Variants in SLC27A6 observed in about 807,000 individuals in gnomAD.
SLC27A6 encodes long-chain fatty acid transport protein 6.
A neutral mutation model predicts 63.9 loss-of-function variants in SLC27A6; 74 were observed. The ratio of observed to expected loss-of-function variants is 1.16; its 90% CI spans 0.96 to 1.40. The LOEUF (loss-of-function observed/expected upper bound fraction) is 1.40, where lower values mean the gene tolerates loss of function less well. Among genes scored for constraint, SLC27A6 ranks in the 40% most tolerant of loss-of-function variants. SLC27A6 has a pLI of 0.00. For synonymous variants in SLC27A6, 287 were observed against 260.8 expected, an observed-to-expected ratio of 1.10 and a Z score of -0.97; for missense variants, 794 against 732.9, an observed-to-expected ratio of 1.08 and a Z score of -0.96.
chr5:129,016,487 C>CTT (rs1313809690), intron 5 of SLC27A6, among the ~76,000 whole-genome samples: 1 of 139,344 alleles, frequency 7.2e-6, no homozygotes, highest in Admixed American at 7.3e-5. Context: ...ATATTATCAC[C>CTT]TTTTTTTTTT....
intron 1 of SLC27A6, among the ~76,000 whole-genome samples, chr5:128,977,728 C>A (rs981960639): frequency 4.6e-5 from 7 of 152,098 alleles, no homozygotes; most frequent in African/African-American, 1.7e-4. Flanking sequence ...AAGTGTTGAT[C>A]ACCAAAAATA....
At chr5:128,970,591 G>C (rs1750109329) in intron 1 of SLC27A6, among the ~76,000 whole-genome samples, 1 of 152,060 alleles carries the variant, frequency 6.6e-6, no homozygotes, top group East Asian at 1.9e-4. Flanking sequence ...ATTTCCGTGG[G>C]ATCAGTGGTT....
At chr5:129,028,194 T>C (rs1334380344) in intron 7 of SLC27A6, 151 bp from the exon 8 acceptor site, 7 of 574,560 alleles carry the variant, frequency 1.2e-5, no homozygotes, top group Non-Finnish European at 1.8e-5. Flanking sequence ...AACAAAGTGC[T>C]TTCTTAGAAA....
chr5:128,995,215 T>C (rs968829314), intron 4 of SLC27A6, among the ~76,000 whole-genome samples: 2 of 152,222 alleles, frequency 1.3e-5, no homozygotes, highest in African/African-American at 4.8e-5. Context: ...TAGGGGAGTC[T>C]TGCTGCAGAG....
intron 4 of SLC27A6, among the ~76,000 whole-genome samples, chr5:129,013,381 G>A (rs1422298168): frequency 6.6e-6 from 1 of 151,982 alleles, no homozygotes; most frequent in Non-Finnish European, 1.5e-5. Context: ...GTGAAAACAT[G>A]TTTTTCCTTT....
At chr5:128,977,559 G>A (rs1465769035) in intron 1 of SLC27A6, among the ~76,000 whole-genome samples, 1 of 152,126 alleles carries the variant, frequency 6.6e-6, no homozygotes, top group Non-Finnish European at 1.5e-5. Context: ...AAAGACAAAG[G>A]TAAGCCCTTC....
chr5:129,010,849 C>T (rs868314139), intron 4 of SLC27A6, among the ~76,000 whole-genome samples: 1 of 152,130 alleles, frequency 6.6e-6, no homozygotes, highest in Non-Finnish European at 1.5e-5. Flanking sequence ...CCAGTCAACA[C>T]TTTCATTTCA....
intron 1 of SLC27A6, among the ~76,000 whole-genome samples, chr5:128,974,876 G>A (rs1750323401): frequency 6.6e-6 from 1 of 152,218 alleles, no homozygotes; most frequent in Non-Finnish European, 1.5e-5. Context: ...GTGGCTAGCT[G>A]AGTGCCTGGT....
At chr5:128,969,982 G>A (rs1259546751) in intron 1 of SLC27A6, among the ~76,000 whole-genome samples, 2 of 152,140 alleles carry the variant, frequency 1.3e-5, no homozygotes, top group Non-Finnish European at 2.9e-5. Flanking sequence ...AAGGGCTGTT[G>A]AATTTTGTCA....
chr5:129,003,699 G>A (rs1751421873), intron 4 of SLC27A6, among the ~76,000 whole-genome samples: 1 of 152,044 alleles, frequency 6.6e-6, no homozygotes, highest in African/African-American at 2.4e-5. Flanking sequence ...GGTAGGCGTG[G>A]TGACACATGT....
At position 129,033,154 on chromosome 5, in the gene SLC27A6, G is replaced by A. The variant is rs761151157; in HGVS notation, c.1732G>A (p.Val578Met). 9 of 1,609,114 alleles carry A rather than the reference G, an allele frequency of 5.6e-6. No individual in the cohort carries two copies. The South Asian group carries it at 7.7e-5, about 14-fold the overall frequency. The change falls in exon 10 of 10, where the codon GTG becomes ATG. Residue 578 changes from valine to methionine, a missense_variant. By Grantham distance (21) the Val-to-Met change is conservative. Coordinates refer to ENST00000262462, the MANE Select transcript of SLC27A6 (RefSeq NM_001017372.3). ...GTFKLLKHQL[V>M]EDGFNPLKIS... is the part of the protein sequence containing the mutation. ...ATTCAAACTATTGAAGCATCAGTTG[G>A]TGGAAGATGGATTTAATCCACTGAA...
chr5:129,029,619 C>T lies in SLC27A6; in HGVS notation c.1595C>T (p.Pro532Leu). The change falls in exon 9 of 10, where the codon CCA becomes CTA. Residue 532 changes from proline (P) to leucine (L), a missense_variant. Coordinates refer to ENST00000262462, the MANE Select transcript of SLC27A6 (RefSeq NM_001017372.3). The part of the protein sequence containing the change: ...RAGMASIILK[P>L]NTSLDLEKVY... Reference sequence around the variant, plus strand: ...GGAATGGCTTCTATTATTTTAAAACCAAATACATCTTTAGATTTGGAAAAA... The same window carrying T: ...GGAATGGCTTCTATTATTTTAAAACTAAATACATCTTTAGATTTGGAAAAA... 1 of 1,596,352 alleles carries T rather than the reference C, an allele frequency of 6.3e-7. No individual in the cohort carries two copies. Among genetic ancestry groups the T allele is most frequent in the Non-Finnish European group, 8.5e-7 (1 of 1,171,682 alleles).
At chr5:128,982,525 A>G (rs1205091570) in intron 1 of SLC27A6, among the ~76,000 whole-genome samples, 1 of 152,198 alleles carries the variant, frequency 6.6e-6, no homozygotes, top group Non-Finnish European at 1.5e-5. Context: ...TTAAGAACAT[A>G]TAAAAGTTTG....
chr5:128,977,615 T>C (rs1750433661), intron 1 of SLC27A6, among the ~76,000 whole-genome samples: 1 of 152,178 alleles, frequency 6.6e-6, no homozygotes, highest in African/African-American at 2.4e-5. Context: ...CTAGTTCCCA[T>C]GCCACCTTGC....
At chr5:129,006,958 G>A (rs573311472) in intron 4 of SLC27A6, among the ~76,000 whole-genome samples, 4 of 152,150 alleles carry the variant, frequency 2.6e-5, no homozygotes, top group East Asian at 1.9e-4. Context: ...AATCTGAATT[G>A]ACCATCATTA....
At chr5:129,012,631 T>C (rs1283987742) in intron 4 of SLC27A6, among the ~76,000 whole-genome samples, 1 of 152,104 alleles carries the variant, frequency 6.6e-6, no homozygotes, top group Non-Finnish European at 1.5e-5. Flanking sequence ...GTTAGGTAAA[T>C]AGAAATTTAA....
intron 4 of SLC27A6, among the ~76,000 whole-genome samples, chr5:128,990,805 T>C (rs1161126561): frequency 6.6e-6 from 1 of 152,186 alleles, no homozygotes; most frequent in Non-Finnish European, 1.5e-5. Flanking sequence ...AGGACGAACC[T>C]GGGCACTTAG....
Position 129,005,249 on chromosome 5 carries a change from C to T in SLC27A6, c.970-10636C>T, listed in dbSNP as rs59723110. On this transcript the variant is annotated intron_variant, in intron 4 of 9. Transcript: ENST00000262462. Reference sequence around the variant, plus strand: ...GAATGCTCTGACTAGGCGATTTTCTCCACTACAAATATTAACTCCCAGTTA... The same window carrying T: ...GAATGCTCTGACTAGGCGATTTTCTTCACTACAAATATTAACTCCCAGTTA... Among the ~76,000 whole-genome samples, 249 of 152,258 alleles carry T rather than the reference C, an allele frequency of 1.6e-3. 1 individual carries two copies. The highest frequency in any genetic ancestry group is 5.8e-3 in the African/African-American group (239 of 41,538).
chr5:128,981,596 G>A (rs975479317), intron 1 of SLC27A6, among the ~76,000 whole-genome samples: 18 of 152,084 alleles, frequency 1.2e-4, no homozygotes, highest in African/African-American at 3.9e-4. Context: ...CTAATGGCAT[G>A]CGGCCAGGTA....
Sources: gnomAD v4.1 joint callset for allele counts (sites outside exome capture counted in the v4.1 genomes callset) on GRCh38, gnomAD v4.1.1 for gene constraint, MANE v1.5 for transcripts, NCBI Gene and HGNC (gene_info 2026-07-23, HGNC 2026-07-21) for gene names.